COL6A5: variants seen among roughly 807,000 people sequenced by gnomAD.
The protein encoded by COL6A5 is collagen type VI alpha 5 chain, also known as collagen alpha-5(VI) chain.
In COL6A5, 48 loss-of-function variants were observed where a neutral mutation model predicts 65.6. That is an observed-to-expected ratio of 0.73 (90% CI 0.58 to 0.93). COL6A5 has a LOEUF of 0.93. Ranked by LOEUF, COL6A5 falls within the 40% of genes least tolerant of loss-of-function variation. The pLI is 0.00. For missense variants in COL6A5, 914 were observed against 928.3 expected (o/e 0.98, Z 0.20); for synonymous variants, 291 against 322.8 (o/e 0.90, Z 1.05).
At chr3:130,365,358 AG>A (rs1314469055) in intron 1 of COL6A5, among the ~76,000 whole-genome samples, 2 of 152,052 alleles carry the variant, frequency 1.3e-5, no homozygotes, top group African/African-American at 2.4e-5. Context: ...GCTCACTGCA[AG>A]CTCCGCCTCC....
Position 130,426,410 on chromosome 3 carries a change from A to G in COL6A5, c.5236+7A>G, listed in dbSNP as rs879173031. On this transcript the variant is annotated splice_region_variant and intron_variant and NMD_transcript_variant, in intron 31 of 41. Transcript: ENST00000312481. ...TTTTTGCGGGAACATAGTCGTGAGT[A>G]TCTGTTACGGAACAAGAGCATCCAT... The G allele has an allele frequency of 6.4e-7, 1 of 1,551,090 alleles. No individual in the cohort carries two copies. The highest frequency in any genetic ancestry group is 8.7e-7 in the Non-Finnish European group (1 of 1,146,552).
chr3:130,443,973 C>G (rs1405747506), intron 4 of COL6A5, among the ~76,000 whole-genome samples: 2 of 152,126 alleles, frequency 1.3e-5, no homozygotes, highest in Non-Finnish European at 2.9e-5. Context: ...CGGTGAAACC[C>G]TAGGCATCTT....
intron 1 of COL6A5, among the ~76,000 whole-genome samples, chr3:130,346,577 T>G (rs1934486687): frequency 6.6e-6 from 1 of 152,222 alleles, no homozygotes; most frequent in African/African-American, 2.4e-5. Context: ...AGAACAGCAC[T>G]CAGAGCTTCA....
rs529291372 is a variant in COL6A5, at chr3:130,469,490, T to G, written c.2231+9T>G. 3.8e-6 allele frequency: 6 copies of G among 1,592,930 alleles called. No homozygotes were observed. Among genetic ancestry groups the G allele is most frequent in the Non-Finnish European group, 5.1e-6 (6 of 1,166,466 alleles). On this transcript the variant is annotated intron_variant, in intron 6 of 7. Transcript: ENST00000512836. The stretch of plus-strand genomic sequence containing the variant: ...TGTCCATTTAATCAGACGTAAGTCA[T>G]TAATTCTCTTTGATTGCTTTTGCAA...
intron 5 of COL6A5, among the ~76,000 whole-genome samples, chr3:130,463,723 GC>G (rs2072149992): frequency 6.6e-6 from 1 of 152,158 alleles, no homozygotes; most frequent in South Asian, 2.1e-4. Context: ...GCCATTGTGA[GC>G]TATGGATATA....
intron 2 of COL6A5, among the ~76,000 whole-genome samples, chr3:130,374,993 T>C (rs971619616): frequency 1.3e-5 from 2 of 152,230 alleles, no homozygotes; most frequent in African/African-American, 4.8e-5. Flanking sequence ...TGTGTTACTC[T>C]AAGATTTCCT....
intron 13 of COL6A5, among the ~76,000 whole-genome samples, chr3:130,405,254 C>T (rs375104984): frequency 3.9e-5 from 6 of 152,114 alleles, no homozygotes; most frequent in African/African-American, 7.2e-5. Context: ...GCATTAGGGC[C>T]GTAGATGGAT....
chr3:130,439,462 G>A (rs368294473), intron 1 of COL6A5, 60 bp from the exon 34 acceptor site: 10 of 1,251,038 alleles, frequency 8.0e-6, no homozygotes, highest in East Asian at 7.8e-5. Flanking sequence ...CCTTAAAGTG[G>A]TTTCCTACTA....
intron 1 of COL6A5, among the ~76,000 whole-genome samples, chr3:130,351,773 G>A (rs1339820404): frequency 6.6e-6 from 1 of 152,192 alleles, no homozygotes; most frequent in East Asian, 1.9e-4. Context: ...TCTAGAACTA[G>A]AAATACCATT....
intron 4 of COL6A5, among the ~76,000 whole-genome samples, chr3:130,448,961 C>T (rs1030377920): frequency 6.6e-6 from 1 of 152,140 alleles, no homozygotes; most frequent in South Asian, 2.1e-4. Context: ...GTTGGACGGC[C>T]CCCATAGGTT....
intron 7 of COL6A5, 23 bp from the exon 40 acceptor site, chr3:130,471,659 A>G: frequency 6.5e-7 from 1 of 1,526,956 alleles, no homozygotes; most frequent in African/African-American, 1.4e-5. Context: ...CTAATTTTTT[A>G]TCTCTCTTCT....
chr3:130,407,136 G>A (rs1468361108), intron 17 of COL6A5, among the ~76,000 whole-genome samples: 1 of 152,212 alleles, frequency 6.6e-6, no homozygotes, highest in African/African-American at 2.4e-5. Context: ...AGAGGAACAG[G>A]AATTCAGCAA....
chr3:130,446,257 C>T (rs1043225522), intron 4 of COL6A5, among the ~76,000 whole-genome samples: 2 of 152,080 alleles, frequency 1.3e-5, no homozygotes, highest in Non-Finnish European at 1.5e-5. Context: ...GTGTAGATTT[C>T]TGCAGGAGCA....
chr3:130,349,789 A>G (rs1290000547), intron 1 of COL6A5, among the ~76,000 whole-genome samples: 2 of 152,222 alleles, frequency 1.3e-5, no homozygotes, highest in Non-Finnish European at 2.9e-5. Flanking sequence ...AGCAGACTCA[A>G]AAACAGTGGC....
At chr3:130,376,902 C>A in intron 3 of COL6A5, 66 bp downstream of exon 3, 2 of 1,447,752 alleles carry the variant, frequency 1.4e-6, no homozygotes, top group Non-Finnish European at 1.8e-6. Context: ...CCACTCTCAC[C>A]TCTTGCAACT....
At chr3:130,483,575 GAAT>G (rs902027090) in intron 7 of COL6A5, among the ~76,000 whole-genome samples, 26 of 152,148 alleles carry the variant, frequency 1.7e-4, no homozygotes, top group African/African-American at 6.3e-4. Flanking sequence ...AGTCCTCAAA[GAAT>G]AATAGGTGCT....
rs1710182371 is a variant in COL6A5 at position 130,479,433 on chromosome 3, A to AAACAAC, written c.2329-4597_2329-4596insCAACAA. 2.7e-5 allele frequency among the ~76,000 whole-genome samples: 4 copies of AAACAAC among 149,974 alleles called. 1 individual carries two copies. In the South Asian group the frequency reaches 8.5e-4, roughly 32 times the overall value. Reference sequence around the variant, plus strand: ...CTTTTATCAGGCAAAACAAAAACAAAAACAAACAACAACAAACAAACAAAA... The same window carrying AAACAAC: ...CTTTTATCAGGCAAAACAAAAACAAAAACAACAACAAACAACAACAAACAAACAAAA... On this transcript the variant is annotated intron_variant, in intron 7 of 7. Transcript: ENST00000512836.
chr3:130,419,567 G>A (rs1488431657), intron 25 of COL6A5, among the ~76,000 whole-genome samples: 1 of 152,070 alleles, frequency 6.6e-6, no homozygotes. Flanking sequence ...TATGCATAAT[G>A]GAATACTATT....
At chr3:130,465,057 A>G (rs548552021) in intron 5 of COL6A5, among the ~76,000 whole-genome samples, 1 of 152,134 alleles carries the variant, frequency 6.6e-6, no homozygotes, top group Non-Finnish European at 1.5e-5. Flanking sequence ...GACACTGGAC[A>G]TTAGGAAATG....
Sources: gnomAD v4.1 joint callset for allele counts (sites outside exome capture counted in the v4.1 genomes callset) on GRCh38, gnomAD v4.1.1 for gene constraint, MANE v1.5 for transcripts, NCBI Gene and HGNC (gene_info 2026-07-23, HGNC 2026-07-21) for gene names.